SPIN1: variants seen among roughly 807,000 people sequenced by gnomAD.
The protein encoded by SPIN1 is spindlin-1.
Under a neutral mutation model 26.0 loss-of-function variants are expected in SPIN1, and 3 were observed. The ratio of observed to expected loss-of-function variants is 0.12; its 90% CI spans 0.05 to 0.30. The LOEUF (loss-of-function observed/expected upper bound fraction) is 0.30. SPIN1 is among the 10% of genes least tolerant of loss of function. The pLI, the probability that SPIN1 is intolerant of heterozygous loss-of-function variation, is 1.00. For missense variants in SPIN1, 126 were observed against 333.4 expected (o/e 0.38, Z 4.84); for synonymous variants, 101 against 116.5 (o/e 0.87, Z 0.86).
chr9:88,392,466 A>G (rs950815942), intron 1 of SPIN1, among the ~76,000 whole-genome samples: 6 of 152,184 alleles, frequency 3.9e-5, no homozygotes, highest in Non-Finnish European at 7.3e-5. Context: ...GAATGGGAGA[A>G]GAAAGACATC....
intron 3 of SPIN1, among the ~76,000 whole-genome samples, chr9:88,456,819 ATG>A (rs1208094097): frequency 6.6e-6 from 1 of 152,224 alleles, no homozygotes; most frequent in Non-Finnish European, 1.5e-5. Flanking sequence ...ATCACCATGT[ATG>A]TGTAGAAAAC....
chr9:88,412,940 C>T (rs1827482409), intron 1 of SPIN1, among the ~76,000 whole-genome samples: 1 of 151,558 alleles, frequency 6.6e-6, no homozygotes, highest in African/African-American at 2.4e-5. Context: ...CCTTGGCCTC[C>T]CAAAGTGCTG....
At chr9:88,466,554 GA>G (rs891959904) in intron 4 of SPIN1, among the ~76,000 whole-genome samples, 5 of 152,112 alleles carry the variant, frequency 3.3e-5, no homozygotes, top group Admixed American at 3.3e-4. Context: ...TACACGGGGG[GA>G]ATTCTGTGTA....
chr9:88,416,470 A>G (rs994467400), intron 1 of SPIN1, among the ~76,000 whole-genome samples: 9 of 151,976 alleles, frequency 5.9e-5, no homozygotes, highest in Admixed American at 3.3e-4. Context: ...CTACAGATGT[A>G]TACCACCACA....
chr9:88,416,634 A>AT (rs1399698897), intron 1 of SPIN1: 5 of 150,910 alleles, frequency 3.3e-5, no homozygotes, highest in African/African-American at 4.9e-5. Context: ...TTCTTTCTTT[A>AT]TTTTTTAAGA....
chr9:88,396,193 C>G (rs1186523175), intron 1 of SPIN1, among the ~76,000 whole-genome samples: 1 of 149,028 alleles, frequency 6.7e-6, no homozygotes, highest in African/African-American at 2.5e-5. Context: ...GAGCTGAGAT[C>G]GCGCCATTGC....
intron 2 of SPIN1, among the ~76,000 whole-genome samples, chr9:88,435,707 A>G (rs1190477985): frequency 6.6e-6 from 1 of 152,062 alleles, no homozygotes; most frequent in Non-Finnish European, 1.5e-5. Flanking sequence ...TTAACCTTTA[A>G]TCTGTGATAG....
intron 3 of SPIN1, among the ~76,000 whole-genome samples, chr9:88,449,430 T>C (rs1828315751): frequency 6.6e-6 from 1 of 151,728 alleles, no homozygotes; most frequent in Non-Finnish European, 1.5e-5. Flanking sequence ...TGCTCACTGT[T>C]TTATAGCATT....
At chr9:88,416,559 TC>T (rs1368373883) in intron 1 of SPIN1, 10 of 152,220 alleles carry the variant, frequency 6.6e-5, no homozygotes, top group Admixed American at 2.6e-4. Flanking sequence ...TGCTGCTAGT[TC>T]TAAACTTAGT....
intron 5 of SPIN1, among the ~76,000 whole-genome samples, chr9:88,469,906 C>G (rs940233267): frequency 6.6e-6 from 1 of 152,168 alleles, no homozygotes; most frequent in African/African-American, 2.4e-5. Flanking sequence ...ATGTACAGTC[C>G]TCACCACAGT....
chr9:88,399,071 G>C (rs1180064896), intron 1 of SPIN1, among the ~76,000 whole-genome samples: 1 of 147,812 alleles, frequency 6.8e-6, no homozygotes, highest in African/African-American at 2.5e-5. Context: ...TTGCTCTATT[G>C]CCCAGGCTGG....
intron 1 of SPIN1, among the ~76,000 whole-genome samples, chr9:88,394,808 A>ATTTTTT (rs397952642): frequency 3.5e-5 from 4 of 114,080 alleles, no homozygotes; most frequent in African/African-American, 1.0e-4. Context: ...TATTTAATGT[A>ATTTTTT]TTTTTTTTTT....
intron 2 of SPIN1, among the ~76,000 whole-genome samples, chr9:88,446,032 C>A (rs934887402): frequency 1.3e-4 from 20 of 151,842 alleles, no homozygotes; most frequent in African/African-American, 4.6e-4. Context: ...CATGATGTAT[C>A]TTTCTGATTT....
chr9:88,410,312 AAAG>A (rs1261903499), intron 1 of SPIN1, among the ~76,000 whole-genome samples: 1 of 152,168 alleles, frequency 6.6e-6, no homozygotes, highest in Non-Finnish European at 1.5e-5. Flanking sequence ...GCTTTAAACA[AAAG>A]AACAGAAACT....
At chr9:88,412,477 C>G (rs896368613) in intron 1 of SPIN1, among the ~76,000 whole-genome samples, 1 of 152,012 alleles carries the variant, frequency 6.6e-6, no homozygotes, top group Non-Finnish European at 1.5e-5. Context: ...CATCAAAGAC[C>G]CAGAGAGACT....
At chr9:88,410,988 C>A (rs914042269) in intron 1 of SPIN1, 2 of 1,461,024 alleles carry the variant, frequency 1.4e-6, no homozygotes, top group Non-Finnish European at 1.9e-6. Context: ...GTCTTATCCA[C>A]GGAGTTGTGG....
intron 2 of SPIN1, among the ~76,000 whole-genome samples, chr9:88,433,962 T>C (rs1308146730): frequency 6.6e-6 from 1 of 152,146 alleles, no homozygotes; most frequent in Non-Finnish European, 1.5e-5. Flanking sequence ...TGACAGCGTT[T>C]GAGGACCTCC....
chr9:88,391,381 G>A, intron 1 of SPIN1: 1 of 172,936 alleles, frequency 5.8e-6, no homozygotes, highest in Non-Finnish European at 1.3e-5. Flanking sequence ...AATTGGCTTG[G>A]TGTCATGATT....
intron 1 of SPIN1, among the ~76,000 whole-genome samples, chr9:88,421,287 A>C (rs1468057432): frequency 6.6e-6 from 1 of 151,990 alleles, no homozygotes; most frequent in Non-Finnish European, 1.5e-5. Flanking sequence ...CAGTTGTCTT[A>C]AATGTGTGTG....
Sources: allele counts gnomAD v4.1 joint callset (sites outside exome capture counted in the v4.1 genomes callset), GRCh38; gene constraint gnomAD v4.1.1; transcripts MANE v1.5; gene names NCBI Gene and HGNC (gene_info 2026-07-23, HGNC 2026-07-21).